The following OOSP1 variants were observed in gnomAD, a reference collection of about 807,000 sequenced individuals.
OOSP1 encodes the protein oocyte secreted protein 1, also known as putative oocyte-secreted protein 1 homolog.
A neutral mutation model predicts 5.7 loss-of-function variants in OOSP1; 11 were observed. The observed-to-expected ratio is 1.94, with a 90% CI of 1.22 to 3.20. The LOEUF (loss-of-function observed/expected upper bound fraction) is 3.20. Ranked by LOEUF, OOSP1 falls within the 30% of genes most tolerant of loss-of-function variation. OOSP1 has a pLI of 0.00. For missense variants in OOSP1, 83 were observed against 54.1 expected, an observed-to-expected ratio of 1.53 and a Z score of -1.67; for synonymous variants, 44 against 20.0, an observed-to-expected ratio of 2.20 and a Z score of -3.20.
At chr11:59,939,025 C>T (rs571382241) in intron 1 of OOSP1, among the ~76,000 whole-genome samples, 5 of 152,312 alleles carry the variant, frequency 3.3e-5, no homozygotes, top group African/African-American at 1.2e-4. Context: ...TTTCCCAGTA[C>T]TTTTCCTGCG....
At chr11:59,946,980 C>G (rs563316) in intron 3 of OOSP1, among the ~76,000 whole-genome samples, 1 of 151,526 alleles carries the variant, frequency 6.6e-6, no homozygotes, top group Non-Finnish European at 1.5e-5. Flanking sequence ...TCTATCTACT[C>G]TGTACCCACA....
Position 59,946,953 on chromosome 11 carries a change from ATCTATCTATCTATCTGTCTATCTACTC to A in OOSP1, c.357-778_357-752del, listed in dbSNP as rs1853890659. ...TATCTATCTATCTATCTATCTATCT[ATCTATCTATCTATCTGTCTATCTACTC>A]TGTACCCACAAAAACTAAAAATAAA... is the stretch of plus-strand genomic sequence containing the variant. On this transcript the variant is annotated intron_variant, in intron 3 of 4. Transcript: ENST00000646685. Among the ~76,000 whole-genome samples, 3 of 149,366 alleles carry A rather than the reference ATCTATCTATCTATCTGTCTATCTACTC, an allele frequency of 2.0e-5. No individual in the cohort carries two copies. The South Asian group carries it at 6.3e-4, about 31-fold the overall frequency.
chr11:59,955,132 T>C (rs967634035), intron 4 of OOSP1, among the ~76,000 whole-genome samples: 1 of 152,150 alleles, frequency 6.6e-6, no homozygotes, highest in Non-Finnish European at 1.5e-5. Flanking sequence ...CATTATGGTT[T>C]ACATTAGAAT....
intron 4 of OOSP1, among the ~76,000 whole-genome samples, chr11:59,952,485 G>A (rs1245355708): frequency 6.6e-6 from 1 of 152,114 alleles, no homozygotes; most frequent in East Asian, 1.9e-4. Context: ...TCTTTTGCAG[G>A]AACTTGGATG....
At chr11:59,953,885 C>G (rs1853964327) in intron 4 of OOSP1, among the ~76,000 whole-genome samples, 1 of 152,140 alleles carries the variant, frequency 6.6e-6, no homozygotes, top group African/African-American at 2.4e-5. Flanking sequence ...CTGTAAAAGT[C>G]TCCATAATAT....
At chr11:59,943,693 T>C (rs1195230961) in intron 2 of OOSP1, among the ~76,000 whole-genome samples, 1 of 152,076 alleles carries the variant, frequency 6.6e-6, no homozygotes, top group Non-Finnish European at 1.5e-5. Flanking sequence ...AATGAGGGAG[T>C]AACACTAATC....
exon 2 of OOSP1, chr11:59,942,954 C>T: frequency 1.4e-6 from 1 of 702,928 alleles, no homozygotes; most frequent in Non-Finnish European, 2.6e-6. Context: ...AGATGGCTGC[C>T]ATGTAACCCA....
chr11:59,950,596 G>GT (rs572820716), intron 4 of OOSP1, among the ~76,000 whole-genome samples: 73 of 152,300 alleles, frequency 4.8e-4, no homozygotes, highest in Admixed American at 3.6e-3. Flanking sequence ...GTTGTCAGCT[G>GT]TATCTTCTGT....
At chr11:59,947,081 T>A (rs1340431148) in intron 3 of OOSP1, among the ~76,000 whole-genome samples, 1 of 152,110 alleles carries the variant, frequency 6.6e-6, no homozygotes, top group African/African-American at 2.4e-5. Context: ...CTTTGGACAA[T>A]TTTTCAATTA....
intron 4 of OOSP1, chr11:59,948,763 AACTGTTCTGTCC>A (rs1398508636): frequency 2.5e-6 from 1 of 398,036 alleles, no homozygotes; most frequent in Non-Finnish European, 4.4e-6. Context: ...CAAGAGAAGA[AACTGTTCTGTCC>A]CCTTTGATAT....
chr11:59,943,323 C>T (rs951810652), intron 2 of OOSP1, among the ~76,000 whole-genome samples: 4 of 151,726 alleles, frequency 2.6e-5, no homozygotes, highest in Non-Finnish European at 5.9e-5. Flanking sequence ...CAAACCTGCA[C>T]GTTGTGCACA....
intron 4 of OOSP1, among the ~76,000 whole-genome samples, chr11:59,956,396 C>T (rs1377200185): frequency 6.6e-6 from 1 of 152,064 alleles, no homozygotes; most frequent in African/African-American, 2.4e-5. Context: ...TCATCAGAGC[C>T]TTAAGATAGT....
At chr11:59,954,137 A>G (rs532517464) in intron 4 of OOSP1, among the ~76,000 whole-genome samples, 1 of 152,318 alleles carries the variant, frequency 6.6e-6, no homozygotes, top group South Asian at 2.1e-4. Context: ...ATATGTAAAC[A>G]TAGAAAAGAT....
chr11:59,946,841 T>A (rs1371660863), intron 3 of OOSP1, among the ~76,000 whole-genome samples: 1 of 150,664 alleles, frequency 6.6e-6, no homozygotes, highest in Non-Finnish European at 1.5e-5. Flanking sequence ...TTTTTTTTTT[T>A]ATTAATTGAC....
chr11:59,956,865 C>T (rs1344808131), intron 4 of OOSP1, among the ~76,000 whole-genome samples: 1 of 152,124 alleles, frequency 6.6e-6, no homozygotes, highest in East Asian at 1.9e-4. Context: ...TCATCCAAGT[C>T]ACTGTGAATA....
intron 3 of OOSP1, among the ~76,000 whole-genome samples, chr11:59,947,259 G>T (rs928086946): frequency 3.3e-5 from 5 of 151,894 alleles, no homozygotes; most frequent in Non-Finnish European, 5.9e-5. Flanking sequence ...TTTTCCTTCT[G>T]CTAACTCAAT....
At chr11:59,947,250 T>C (rs1464895773) in intron 3 of OOSP1, among the ~76,000 whole-genome samples, 1 of 152,152 alleles carries the variant, frequency 6.6e-6, no homozygotes, top group Non-Finnish European at 1.5e-5. Context: ...GAATGTATTT[T>C]TTCCTTCTGC....
chr11:59,939,269 T>G (rs955162178), intron 1 of OOSP1, among the ~76,000 whole-genome samples: 6 of 151,718 alleles, frequency 4.0e-5, no homozygotes, highest in Non-Finnish European at 8.8e-5. Context: ...TCTTTTTTTT[T>G]TGGGACAAGA....
chr11:59,948,822 G>C (rs1011949033), intron 4 of OOSP1: 5 of 397,890 alleles, frequency 1.3e-5, no homozygotes, highest in African/African-American at 2.1e-5. Context: ...TGATTGCTTA[G>C]GACTGAGGAT....
Sources: allele counts gnomAD v4.1 joint callset (sites outside exome capture counted in the v4.1 genomes callset), GRCh38; gene constraint gnomAD v4.1.1; transcripts MANE v1.5; gene names NCBI Gene and HGNC (gene_info 2026-07-23, HGNC 2026-07-21).